Variants in PKHD1 observed in about 807,000 individuals in gnomAD.
The protein encoded by PKHD1 is PKHD1 ciliary IPT domain containing fibrocystin/polyductin.
Under a neutral mutation model 412.0 loss-of-function variants are expected in PKHD1, and 291 were observed. That is an observed-to-expected ratio of 0.71 (90% CI 0.64 to 0.78). PKHD1 has a LOEUF of 0.78. Among genes scored for constraint, PKHD1 ranks in the 30% least tolerant of loss-of-function variants. PKHD1 has a pLI of 0.00. For missense variants in PKHD1, 4,825 were observed against 4,950.7 expected (o/e 0.97, Z 0.76); for synonymous variants, 1,777 against 1,821.5 (o/e 0.98, Z 0.62).
intron 60 of PKHD1, among the ~76,000 whole-genome samples, chr6:51,663,893 G>T (rs1284439899): frequency 6.6e-6 from 1 of 151,970 alleles, no homozygotes; most frequent in Non-Finnish European, 1.5e-5. Context: ...TTCTGCTATT[G>T]TATCTCATAG....
chr6:51,664,511 A>G (rs1296752237), intron 60 of PKHD1, among the ~76,000 whole-genome samples: 1 of 152,196 alleles, frequency 6.6e-6, no homozygotes, highest in Non-Finnish European at 1.5e-5. Context: ...TTTATGACCC[A>G]TTGGCATTTT....
At chr6:52,006,882 A>G (rs1799150289) in intron 35 of PKHD1, among the ~76,000 whole-genome samples, 2 of 152,064 alleles carry the variant, frequency 1.3e-5, no homozygotes, top group South Asian at 2.1e-4. Flanking sequence ...CCATTGTATC[A>G]TTCTTATGCC....
Position 51,855,922 on chromosome 6 carries a change from C to G in PKHD1, c.7882G>C (p.Glu2628Gln), listed in dbSNP as rs1299305472. 3.1e-6 allele frequency: 5 copies of G among 1,613,968 alleles called. No homozygotes were observed. Among genetic ancestry groups the G allele is most frequent in the Non-Finnish European group, 4.2e-6 (5 of 1,179,912 alleles). The change falls in exon 49 of 67, where the codon GAG (glutamate) becomes CAG (glutamine). Residue 2628 changes from glutamate (E) to glutamine (Q), a missense_variant. Coordinates refer to ENST00000371117, the MANE Select transcript of PKHD1 (RefSeq NM_138694.4). ...LDQETYSLQSENLWINRSLQY... is the reference protein window; with the variant it reads ...LDQETYSLQSQNLWINRSLQY... ...AGAGATCTGTTGATCCAAAGGTTCT[C>G]AGATTGCAATGAGTAGGTCTCTTGG... is the stretch of plus-strand genomic sequence containing the variant.
At position 52,078,409 on chromosome 6, in the gene PKHD1, A is replaced by C. The variant is rs188260055; in HGVS notation, c.390+1491T>G. Among the ~76,000 whole-genome samples the C allele has an allele frequency of 5.7e-4, 87 of 152,338 alleles. 3 individuals carry two copies. Among genetic ancestry groups the C allele is most frequent in the African/African-American group, 1.7e-3 (70 of 41,592 alleles). On this transcript the variant is annotated intron_variant, in intron 5 of 66. Transcript: ENST00000371117. Reference sequence around the variant, plus strand: ...CAGCAGATTAGGATGAGAAAGCTGCAGCCACCAGCTGTGTGATCAACCTTC... The same window carrying C: ...CAGCAGATTAGGATGAGAAAGCTGCCGCCACCAGCTGTGTGATCAACCTTC...
chr6:52,062,620 C>T lies in PKHD1; in HGVS notation c.1017G>A (p.Glu339=), dbSNP rs777204543. The change falls in exon 14 of 67, where the codon GAG becomes GAA. Residue 339 remains glutamate (E), a synonymous_variant. Coordinates refer to ENST00000371117, the MANE Select transcript of PKHD1 (RefSeq NM_138694.4). ...GGGTGGCTTCAGTCAGTTCCAGTCC[C>T]TCAACAGCATCTCCAACTTCAAAAA... ...GLLFEVGDAV[E]GLELTEATPG... is the part of the protein sequence containing the mutation. The T allele has an allele frequency of 1.2e-6, 2 of 1,614,134 alleles. No homozygotes were observed. Among genetic ancestry groups the T allele is most frequent in the Admixed American group, 3.3e-5 (2 of 60,028 alleles).
At chr6:51,726,962 T>C (rs1582308518) in intron 60 of PKHD1, among the ~76,000 whole-genome samples, 1 of 152,130 alleles carries the variant, frequency 6.6e-6, no homozygotes, top group African/African-American at 2.4e-5. Context: ...CAGAGAACTT[T>C]CTCTGGCTAG....
intron 60 of PKHD1, among the ~76,000 whole-genome samples, chr6:51,699,733 G>A (rs1351253051): frequency 1.3e-5 from 2 of 152,114 alleles, no homozygotes; most frequent in African/African-American, 4.8e-5. Context: ...AGAGGAAGCT[G>A]TAATGGTCAT....
intron 14 of PKHD1, among the ~76,000 whole-genome samples, chr6:52,060,374 T>G (rs561948257): frequency 6.6e-5 from 10 of 152,294 alleles, no homozygotes; most frequent in African/African-American, 2.4e-4. Flanking sequence ...AGAAGCTCAA[T>G]CTATAGTAAA....
rs1341982249 is a variant in PKHD1 at position 51,812,177 on chromosome 6, TAA to T, written c.8302+18682_8302+18683del. Reference sequence around the variant, plus strand: ...TTACTTATCCTCTAAGCTAGGGTTTTAATAGCTGGTAGGTCCACAGACACCCT... The same window carrying T: ...TTACTTATCCTCTAAGCTAGGGTTTTTAGCTGGTAGGTCCACAGACACCCT... On this transcript the variant is annotated intron_variant, in intron 52 of 66. Transcript: ENST00000371117. 2.0e-3 allele frequency among the ~76,000 whole-genome samples: 309 copies of T among 152,272 alleles called. 2 individuals carry two copies. Among genetic ancestry groups the T allele is most frequent in the African/African-American group, 6.9e-3 (286 of 41,558 alleles).
chr6:51,914,314 A>G (rs1783444265), intron 37 of PKHD1, among the ~76,000 whole-genome samples: 1 of 152,156 alleles, frequency 6.6e-6, no homozygotes, highest in Non-Finnish European at 1.5e-5. Flanking sequence ...AAAAAGTTAC[A>G]TCTTTGTAAA....
At chr6:51,646,409 G>C (rs1384204509) in intron 63 of PKHD1, among the ~76,000 whole-genome samples, 1 of 152,144 alleles carries the variant, frequency 6.6e-6, no homozygotes, top group East Asian at 1.9e-4. Flanking sequence ...TAGGGAGAAG[G>C]CTCCTGGTAG....
At chr6:51,713,853 G>T (rs185497887) in intron 60 of PKHD1, among the ~76,000 whole-genome samples, 66 of 152,202 alleles carry the variant, frequency 4.3e-4, no homozygotes, top group African/African-American at 1.6e-3. Flanking sequence ...GTCTACAGTT[G>T]GCCAGGTATC....
chr6:52,080,111 G>C (rs1009715624), intron 4 of PKHD1, 103 bp from the exon 5 acceptor site: 3 of 750,936 alleles, frequency 4.0e-6, no homozygotes, highest in Non-Finnish European at 7.3e-6. Context: ...TTTTAAAACA[G>C]AGCTAACCAA....
intron 35 of PKHD1, among the ~76,000 whole-genome samples, chr6:51,981,595 G>A (rs370599495): frequency 1.3e-3 from 164 of 126,610 alleles, no homozygotes; most frequent in Admixed American, 4.1e-3. Flanking sequence ...CCGGGATTGC[G>A]GACGGAGTCT....
At chr6:51,927,128 C>A (rs146536074) in intron 37 of PKHD1, among the ~76,000 whole-genome samples, 3 of 152,026 alleles carry the variant, frequency 2.0e-5, no homozygotes, top group African/African-American at 7.2e-5. Flanking sequence ...CCATTCTTCC[C>A]CTCTATTTAA....
chr6:51,866,679 A>G (rs1775109870), intron 48 of PKHD1, among the ~76,000 whole-genome samples: 2 of 152,150 alleles, frequency 1.3e-5, no homozygotes, highest in African/African-American at 4.8e-5. Context: ...ACACAAATCT[A>G]TTTTCCTCAT....
chr6:51,859,642 A>G (rs6458800), intron 48 of PKHD1, among the ~76,000 whole-genome samples: 61,160 of 151,928 alleles, frequency 0.4, 13,512 homozygotes, highest in East Asian at 0.85. Context: ...TGGTCACCTT[A>G]ACTGGACTTA....
chr6:51,648,076 T>A lies in PKHD1; in HGVS notation c.11353A>T (p.Thr3785Ser). ...GCTCCTTCCAGGGAAGCTGAAATTG[T>A]CCATGGCTCTGAAGGAGGTCCCAGG... is the stretch of plus-strand genomic sequence containing the variant. The part of the protein sequence containing the change: ...ESLGPPSEPW[T>S]ISASLEGASD... Residue 3785 changes from threonine (T) to serine (S), a missense_variant, in exon 63 of 67, where the codon ACA becomes TCA. By Grantham distance (58) the Thr-to-Ser change is moderately conservative. Transcript: ENST00000371117. The A allele has an allele frequency of 6.2e-7, 1 of 1,609,776 alleles. No homozygotes were observed. Among genetic ancestry groups the A allele is most frequent in the Non-Finnish European group, 8.5e-7 (1 of 1,175,972 alleles).
chr6:52,050,361 C>T, intron 21 of PKHD1, 66 bp from the exon 22 acceptor site: 2 of 1,544,470 alleles, frequency 1.3e-6, no homozygotes, highest in South Asian at 2.2e-5. Context: ...GTGGAAAATC[C>T]CAGTTGGAAA....
Sources: gnomAD v4.1 joint callset for allele counts (sites outside exome capture counted in the v4.1 genomes callset) on GRCh38, gnomAD v4.1.1 for gene constraint, MANE v1.5 for transcripts, NCBI Gene and HGNC (gene_info 2026-07-23, HGNC 2026-07-21) for gene names.